GARS1: variants seen among roughly 807,000 people sequenced by gnomAD.
The protein encoded by GARS1 is glycyl-tRNA synthetase 1.
GARS1 carries 46 observed loss-of-function variants against 86.4 expected under a neutral mutation model. The ratio of observed to expected loss-of-function variants is 0.53; its 90% CI spans 0.42 to 0.68. The LOEUF is 0.68. Ranked by LOEUF, GARS1 falls within the 30% of genes least tolerant of loss-of-function variation. The probability of loss-of-function intolerance (pLI) is 0.00; values close to 1 mark genes in which losing one functional copy is unlikely to be tolerated. For missense variants in GARS1, 797 were observed against 915.6 expected, an observed-to-expected ratio of 0.87 and a Z score of 1.67; for synonymous variants, 342 against 329.8, an observed-to-expected ratio of 1.04 and a Z score of -0.40.
chr7:30,612,783 A>G (rs1470304185), intron 8 of GARS1, among the ~76,000 whole-genome samples: 3 of 152,164 alleles, frequency 2.0e-5, no homozygotes, highest in Non-Finnish European at 2.9e-5. Context: ...GCTTACCCTC[A>G]TCACTCACTT....
chr7:30,611,485 T>TTTTG (rs1194873648), intron 7 of GARS1, among the ~76,000 whole-genome samples: 1 of 152,090 alleles, frequency 6.6e-6, no homozygotes, highest in Non-Finnish European at 1.5e-5. Flanking sequence ...AGGTGGTGTT[T>TTTTG]TTTGTTTGTT....
At chr7:30,629,198 A>T (rs1211910116) in intron 14 of GARS1, among the ~76,000 whole-genome samples, 1 of 152,208 alleles carries the variant, frequency 6.6e-6, no homozygotes, top group Non-Finnish European at 1.5e-5. Context: ...TTTTAAAAAA[A>T]ATAAGAATCC....
rs575420383 is a variant in GARS1, at chr7:30,598,945, T to C, written c.324+48T>C. On this transcript the variant is annotated intron_variant, in intron 2 of 16. Coordinates refer to ENST00000389266, the MANE Select transcript of GARS1 (RefSeq NM_002047.4). ...AGGAACATAAGTAGGTATAGGATTG[T>C]TCATCTTTAATTTCTTTGGATGGGA... The C allele has an allele frequency of 4.9e-6, 7 of 1,432,846 alleles. No individual in the cohort carries two copies. In the South Asian group the frequency reaches 5.8e-5, roughly 12 times the overall value. 88.8% of individuals were successfully genotyped at this position (1,432,846 alleles called of 1,614,324 possible). A position where few individuals can be genotyped will look rare whatever the true frequency, so the allele number is the denominator to read the frequency against.
Position 30,617,260 on chromosome 7 carries a change from A to G in GARS1, c.1341A>G (p.Ala447=), listed in dbSNP as rs765984852. 23 of 1,613,874 alleles carry G rather than the reference A, an allele frequency of 1.4e-5. No homozygotes were observed. The East Asian group carries it at 4.0e-4, about 28-fold the overall frequency. ...ATTATGCCTGTGACTGTTGGGATGCAGAATCCAAAACATCCTACGTAAGTG... is the reference window on the plus strand; with the variant it reads ...ATTATGCCTGTGACTGTTGGGATGCGGAATCCAAAACATCCTACGTAAGTG... The part of the protein sequence containing the change: ...MAHYACDCWD[A]ESKTSYGWIE... The change falls in exon 10 of 17, where the codon GCA becomes GCG. Residue 447 remains alanine, a synonymous_variant. Transcript: ENST00000389266.
chr7:30,632,344 T>C lies in GARS1; in HGVS notation c.2001T>C (p.Ala667=). The change falls in exon 16 of 17, where the codon GCT becomes GCC. Residue 667 remains alanine (A), a synonymous_variant. Transcript: ENST00000389266. This position sits in a 1 kb window ranked among gnomAD's most constrained non-coding sequence, Gnocchi z 4.1. ...RYARTDEIGV[A]FGVTIDFDTV... is the part of the protein sequence containing the mutation. Reference sequence around the variant, plus strand: ...CCAGGACTGATGAGATTGGCGTGGCTTTTGGTGTCACCATTGACTTTGACA... The same window carrying C: ...CCAGGACTGATGAGATTGGCGTGGCCTTTGGTGTCACCATTGACTTTGACA... 6.2e-7 allele frequency: 1 copy of C among 1,614,160 alleles called. No individual in the cohort carries two copies. The highest frequency in any genetic ancestry group is 1.1e-5 in the South Asian group (1 of 91,078).
intron 12 of GARS1, among the ~76,000 whole-genome samples, chr7:30,625,680 G>A (rs567980247): frequency 6.6e-6 from 1 of 152,198 alleles, no homozygotes; most frequent in Non-Finnish European, 1.5e-5. Context: ...CAGTGATTTT[G>A]AGGGGGATAA....
At chr7:30,609,844 A>T in intron 7 of GARS1, 114 bp downstream of exon 7, 2 of 828,646 alleles carry the variant, frequency 2.4e-6, no homozygotes, top group Non-Finnish European at 2.0e-6. Context: ...GATATACAGA[A>T]GTACAGATGA....
At chr7:30,604,452 G>A (rs1246880845) in intron 6 of GARS1, among the ~76,000 whole-genome samples, 1 of 151,962 alleles carries the variant, frequency 6.6e-6, no homozygotes, top group African/African-American at 2.4e-5. Context: ...CTCTCTGCCT[G>A]AATATAGAAC....
intron 10 of GARS1, among the ~76,000 whole-genome samples, chr7:30,617,956 T>C (rs768970481): frequency 6.6e-6 from 1 of 152,186 alleles, no homozygotes; most frequent in Non-Finnish European, 1.5e-5. Context: ...ATTTCTCTTA[T>C]TGGGTGTTAG....
intron 6 of GARS1, 140 bp downstream of exon 6, chr7:30,603,712 G>T: frequency 2.9e-6 from 2 of 685,830 alleles, no homozygotes; most frequent in South Asian, 1.6e-5. Flanking sequence ...CCTGTATAGC[G>T]TCTCTTTTTT....
rs898879117 is a variant in GARS1, at chr7:30,600,023, A to G, written c.401A>G (p.Tyr134Cys). 1.8e-5 allele frequency: 29 copies of G among 1,613,498 alleles called. No individual in the cohort carries two copies. Among genetic ancestry groups the G allele is most frequent in the Non-Finnish European group, 2.4e-5 (28 of 1,179,532 alleles). ...GATACCCTGAAGAGGAGGTTTTTCT[A>G]TGATCAAGCTTTTGCTATTTATGGA... ...MEDTLKRRFF[Y>C]DQAFAIYGGV... Residue 134 changes from tyrosine to cysteine, a missense_variant, in exon 3 of 17, where the codon TAT (tyrosine) becomes TGT (cysteine). Transcript: ENST00000389266.
chr7:30,609,092 T>C (rs1791540772), intron 6 of GARS1, among the ~76,000 whole-genome samples: 1 of 152,208 alleles, frequency 6.6e-6, no homozygotes, highest in Non-Finnish European at 1.5e-5. Flanking sequence ...AGCTTCTGTC[T>C]TCTAGGCGCT....
intron 4 of GARS1, among the ~76,000 whole-genome samples, chr7:30,601,508 A>G (rs1562772010): frequency 6.6e-6 from 1 of 152,208 alleles, no homozygotes; most frequent in South Asian, 2.1e-4. Flanking sequence ...CATCTAAAGC[A>G]TTTTTAATGA....
intron 1 of GARS1, among the ~76,000 whole-genome samples, chr7:30,597,444 T>A (rs960795494): frequency 1.3e-5 from 2 of 152,214 alleles, no homozygotes; most frequent in Non-Finnish European, 1.5e-5. Context: ...TAAAATTATT[T>A]TTCCTTTTCC....
intron 10 of GARS1, 124 bp from the exon 11 acceptor site, chr7:30,621,269 T>A: frequency 1.2e-6 from 1 of 832,700 alleles, no homozygotes; most frequent in Non-Finnish European, 2.0e-6. Context: ...GAAATTTGAA[T>A]GAAGATTATA....
intron 10 of GARS1, among the ~76,000 whole-genome samples, chr7:30,618,118 T>C (rs1299565486): frequency 6.6e-6 from 1 of 152,236 alleles, no homozygotes; most frequent in Non-Finnish European, 1.5e-5. Context: ...TAAAAAGTAA[T>C]GACTACTTTT....
chr7:30,619,394 T>G (rs1481571130), intron 10 of GARS1, among the ~76,000 whole-genome samples: 2 of 152,164 alleles, frequency 1.3e-5, no homozygotes, highest in African/African-American at 2.4e-5. Context: ...ATATATTTTT[T>G]TAATAAAAAA....
At chr7:30,600,746 A>G (rs1791356474) in intron 3 of GARS1, among the ~76,000 whole-genome samples, 1 of 152,222 alleles carries the variant, frequency 6.6e-6, no homozygotes. Context: ...TGTGGTGAGA[A>G]ATTATTTTGT....
chr7:30,623,293 T>C (rs1489662766), intron 12 of GARS1, among the ~76,000 whole-genome samples: 1 of 152,082 alleles, frequency 6.6e-6, no homozygotes, highest in East Asian at 1.9e-4. Context: ...ATGCAGTAAG[T>C]ACATAAGGAT....
Sources: allele counts gnomAD v4.1 joint callset (sites outside exome capture counted in the v4.1 genomes callset), GRCh38; gene constraint gnomAD v4.1.1; non-coding constraint Gnocchi (gnomAD v3.1); transcripts MANE v1.5; gene names NCBI Gene and HGNC (gene_info 2026-07-23, HGNC 2026-07-21).